MACROD2: variants seen among roughly 807,000 people sequenced by gnomAD.
MACROD2 encodes the protein mono-ADP ribosylhydrolase 2.
MACROD2 carries 36 observed loss-of-function variants against 70.4 expected under a neutral mutation model. The observed-to-expected ratio is 0.51, with a 90% CI of 0.39 to 0.68. MACROD2 has a LOEUF of 0.68. Among genes scored for constraint, MACROD2 ranks in the 30% least tolerant of loss-of-function variants. The probability of loss-of-function intolerance (pLI) is 0.00; values close to 1 mark genes in which losing one functional copy is unlikely to be tolerated. For synonymous variants in MACROD2, 172 were observed against 178.8 expected (o/e 0.96, Z 0.30); for missense variants, 496 against 538.4 (o/e 0.92, Z 0.78).
chr20:14,586,734 GT>G (rs1409200593), intron 4 of MACROD2, among the ~76,000 whole-genome samples: 4 of 151,980 alleles, frequency 2.6e-5, no homozygotes, highest in Admixed American at 6.6e-5. Context: ...GTCTCCCAAA[GT>G]TTTGATATAC....
chr20:15,374,206 A>C (rs149083873), intron 6 of MACROD2, among the ~76,000 whole-genome samples: 38 of 152,086 alleles, frequency 2.5e-4, no homozygotes, highest in African/African-American at 8.9e-4. Flanking sequence ...ATATACGCAC[A>C]TACACACATA....
At chr20:14,655,894 T>C (rs2123521684) in intron 4 of MACROD2, among the ~76,000 whole-genome samples, 2 of 152,294 alleles carry the variant, frequency 1.3e-5, no homozygotes, top group East Asian at 3.9e-4. Context: ...CTCAATGATA[T>C]CTTTTTATTT....
chr20:15,565,533 GA>G (rs1293890955), intron 8 of MACROD2, among the ~76,000 whole-genome samples: 11 of 152,188 alleles, frequency 7.2e-5, no homozygotes, highest in African/African-American at 2.7e-4. Context: ...CAAACTGTAA[GA>G]TACTTGTGTA....
At chr20:15,201,308 A>G (rs1034397259) in intron 5 of MACROD2, among the ~76,000 whole-genome samples, 2 of 152,048 alleles carry the variant, frequency 1.3e-5, no homozygotes, top group Admixed American at 6.6e-5. Context: ...CTAACATACC[A>G]AGCAGATGAA....
intron 4 of MACROD2, among the ~76,000 whole-genome samples, chr20:14,522,312 A>T (rs986115063): frequency 1.3e-5 from 2 of 152,184 alleles, no homozygotes; most frequent in Non-Finnish European, 2.9e-5. Context: ...CAACCCAACA[A>T]AACACCTTTC....
intron 5 of MACROD2, among the ~76,000 whole-genome samples, chr20:14,876,397 T>G (rs528823342): frequency 6.6e-6 from 1 of 152,282 alleles, no homozygotes; most frequent in South Asian, 2.1e-4. Context: ...TTTGTGAATA[T>G]TTTCTCCCAT....
intron 2 of MACROD2, among the ~76,000 whole-genome samples, chr20:14,022,474 T>A (rs1258765905): frequency 6.6e-6 from 1 of 151,514 alleles, no homozygotes; most frequent in African/African-American, 2.4e-5. Flanking sequence ...CTTTAAGTTC[T>A]GGGATACGTG....
intron 5 of MACROD2, among the ~76,000 whole-genome samples, chr20:15,209,115 G>GTATT (rs56191744): frequency 0.18 from 26,170 of 147,016 alleles, 2,386 homozygotes; most frequent in Middle Eastern, 0.23. Context: ...GGTGGTGGTG[G>GTATT]TATTTATTTA....
chr20:15,891,725 T>C (rs2064892233), intron 10 of MACROD2, among the ~76,000 whole-genome samples: 1 of 152,230 alleles, frequency 6.6e-6, no homozygotes, highest in Non-Finnish European at 1.5e-5. Flanking sequence ...TCTGGGTAGA[T>C]AGTAATACCA....
intron 8 of MACROD2, among the ~76,000 whole-genome samples, chr20:15,668,173 T>C (rs1003089898): frequency 7.2e-5 from 11 of 151,788 alleles, no homozygotes; most frequent in African/African-American, 2.4e-4. Flanking sequence ...GGCAGGAGAA[T>C]CACTTGAACC....
At chr20:14,947,642 C>A (rs374287606) in intron 5 of MACROD2, among the ~76,000 whole-genome samples, 8 of 152,166 alleles carry the variant, frequency 5.3e-5, no homozygotes, top group African/African-American at 1.7e-4. Flanking sequence ...GCCTACCCCC[C>A]ACCCTGCAGA....
chr20:15,514,569 T>C (rs1179530470), intron 8 of MACROD2, among the ~76,000 whole-genome samples: 1 of 152,216 alleles, frequency 6.6e-6, no homozygotes, highest in Non-Finnish European at 1.5e-5. Flanking sequence ...AAGTATACTC[T>C]ATGATGTTCA....
At chr20:15,282,511 A>G (rs2077454873) in intron 6 of MACROD2, among the ~76,000 whole-genome samples, 1 of 152,164 alleles carries the variant, frequency 6.6e-6, no homozygotes, top group African/African-American at 2.4e-5. Flanking sequence ...CAGATTCCCT[A>G]ACTCATTTCT....
intron 5 of MACROD2, among the ~76,000 whole-genome samples, chr20:14,806,601 C>T (rs2072641897): frequency 6.6e-6 from 1 of 152,096 alleles, no homozygotes; most frequent in Non-Finnish European, 1.5e-5. Context: ...ACCATTCACT[C>T]CCCTGGAAAG....
intron 6 of MACROD2, among the ~76,000 whole-genome samples, chr20:15,430,458 T>C (rs1378188513): frequency 1.3e-5 from 2 of 151,958 alleles, no homozygotes. Context: ...CTTTTACAAT[T>C]GAAAAATACA....
chr20:15,455,743 CT>C (rs920268465), intron 7 of MACROD2, among the ~76,000 whole-genome samples: 2 of 152,104 alleles, frequency 1.3e-5, no homozygotes, highest in Non-Finnish European at 2.9e-5. Flanking sequence ...AGCAGATTCA[CT>C]TTCATTACCC....
intron 12 of MACROD2, among the ~76,000 whole-genome samples, chr20:15,941,092 G>T (rs1386118651): frequency 1.3e-5 from 2 of 152,036 alleles, no homozygotes; most frequent in Non-Finnish European, 2.9e-5. Flanking sequence ...ACCATTAATT[G>T]CTTATGCCAG....
intron 3 of MACROD2, among the ~76,000 whole-genome samples, chr20:14,439,307 T>C (rs1223832720): frequency 6.6e-6 from 1 of 152,208 alleles, no homozygotes; most frequent in Admixed American, 6.5e-5. Flanking sequence ...AGCTTTGTAA[T>C]ATAATTTTAA....
chr20:15,554,136 G>T (rs1369057338), intron 8 of MACROD2, among the ~76,000 whole-genome samples: 3 of 152,206 alleles, frequency 2.0e-5, no homozygotes, highest in Non-Finnish European at 2.9e-5. Context: ...GTAGGAGTTA[G>T]AATAGATGAG....
Sources: allele counts gnomAD v4.1 joint callset (sites outside exome capture counted in the v4.1 genomes callset), GRCh38; gene constraint gnomAD v4.1.1; transcripts MANE v1.5; gene names NCBI Gene and HGNC (gene_info 2026-07-23, HGNC 2026-07-21).